The following WDR49 variants were observed in gnomAD, a reference collection of about 807,000 sequenced individuals.
WDR49 encodes the protein cilia- and flagella-associated protein 337.
A neutral mutation model predicts 119.5 loss-of-function variants in WDR49; 107 were observed. The observed-to-expected ratio is 0.90, with a 90% CI of 0.77 to 1.05. The LOEUF is 1.05. Among genes scored for constraint, WDR49 ranks in the 50% least tolerant of loss-of-function variants. The pLI is 0.00. For synonymous variants in WDR49, 425 were observed against 418.8 expected (o/e 1.01, Z -0.18); for missense variants, 1,240 against 1,220.5 (o/e 1.02, Z -0.24).
In WDR49 at chr3:167,621,498, G is replaced by C; in HGVS notation, c.752C>G (p.Ser251Ter). ...AGTTATATCCCCAAAAGAAAGAATT[G>C]ATTCATTGGCATCAAGAGGATCATA... is the stretch of plus-strand genomic sequence containing the variant. ...YWYDPLDANESILSFGDITGK... is the reference protein window; with the variant it reads ...YWYDPLDANE The change falls in exon 4 of 19, where the codon TCA (serine) becomes TGA (stop). Residue 251 changes from serine (S) to a stop codon, truncating the protein, a stop_gained. Coordinates refer to ENST00000682715, the MANE Select transcript of WDR49 (RefSeq NM_001366157.1). LOFTEE classifies it high-confidence loss of function. 6.5e-7 allele frequency: 1 copy of C among 1,533,984 alleles called. No homozygotes were observed. The highest frequency in any genetic ancestry group is 8.7e-7 in the Non-Finnish European group (1 of 1,145,770).
chr3:167,624,849 C>A (rs1015889833), intron 3 of WDR49, among the ~76,000 whole-genome samples: 3 of 152,016 alleles, frequency 2.0e-5, no homozygotes, highest in Non-Finnish European at 4.4e-5. Context: ...GCTCCAGATA[C>A]TTGGCAAAAA....
intron 8 of WDR49, among the ~76,000 whole-genome samples, chr3:167,568,369 G>T (rs543913240): frequency 6.6e-6 from 1 of 152,176 alleles, no homozygotes; most frequent in East Asian, 1.9e-4. Context: ...TATAATAACT[G>T]CTCATTCTCT....
chr3:167,637,500 T>C (rs980491536), intron 2 of WDR49, among the ~76,000 whole-genome samples: 2 of 151,902 alleles, frequency 1.3e-5, no homozygotes, highest in African/African-American at 4.8e-5. Context: ...CCATATTAAT[T>C]TTAGGATTGT....
intron 10 of WDR49, among the ~76,000 whole-genome samples, chr3:167,537,894 C>G (rs905316750): frequency 1.3e-5 from 2 of 152,044 alleles, no homozygotes; most frequent in Admixed American, 6.6e-5. Context: ...ATCTTTTATT[C>G]CCACCACTCT....
At chr3:167,553,193 A>G (rs1712678476) in intron 10 of WDR49, among the ~76,000 whole-genome samples, 1 of 152,112 alleles carries the variant, frequency 6.6e-6, no homozygotes, top group Admixed American at 6.6e-5. Context: ...AAATAATATA[A>G]CAGAATGTAT....
At chr3:167,550,313 T>C (rs181251520) in intron 10 of WDR49, among the ~76,000 whole-genome samples, 1 of 152,194 alleles carries the variant, frequency 6.6e-6, no homozygotes, top group South Asian at 2.1e-4. Context: ...ATATTGATTC[T>C]TCCTATCCAT....
intron 10 of WDR49, among the ~76,000 whole-genome samples, chr3:167,545,444 C>A (rs1024991782): frequency 6.8e-6 from 1 of 146,258 alleles, no homozygotes; most frequent in Non-Finnish European, 1.5e-5. Flanking sequence ...TGGAACCAGC[C>A]CAAATGCCCG....
chr3:167,525,353 C>T (rs765300098), intron 15 of WDR49, among the ~76,000 whole-genome samples: 3 of 152,078 alleles, frequency 2.0e-5, no homozygotes, highest in Non-Finnish European at 2.9e-5. Flanking sequence ...TGTATGCAAA[C>T]AGAGACAATT....
chr3:167,624,947 T>A (rs1186368839), intron 3 of WDR49, among the ~76,000 whole-genome samples: 1 of 152,064 alleles, frequency 6.6e-6, no homozygotes, highest in Non-Finnish European at 1.5e-5. Flanking sequence ...TTTACAAATC[T>A]TGGCAACCCT....
At chr3:167,559,977 A>G (rs1244372787) in intron 9 of WDR49, 87 bp downstream of exon 9, 12 of 1,433,986 alleles carry the variant, frequency 8.4e-6, no homozygotes, top group Admixed American at 4.7e-5. Flanking sequence ...CAAAAAGGCA[A>G]AAAATGAGAA....
chr3:167,509,513 C>T (rs1020835452), intron 16 of WDR49, among the ~76,000 whole-genome samples: 2 of 152,062 alleles, frequency 1.3e-5, no homozygotes, highest in South Asian at 2.1e-4. Context: ...TAGTTTAAAG[C>T]AATAAGATAT....
At chr3:167,523,382 C>T (rs1577215933) in intron 15 of WDR49, among the ~76,000 whole-genome samples, 4 of 145,710 alleles carry the variant, frequency 2.7e-5, no homozygotes, top group Non-Finnish European at 4.5e-5. Flanking sequence ...GACATACATT[C>T]TTTTTTTTTT....
intron 7 of WDR49, among the ~76,000 whole-genome samples, chr3:167,578,397 T>C (rs1271808773): frequency 6.6e-6 from 1 of 152,146 alleles, no homozygotes; most frequent in East Asian, 1.9e-4. Flanking sequence ...CTCTTTCTTG[T>C]TTATGATTTT....
At chr3:167,482,652 C>T (rs1286822088) in intron 18 of WDR49, among the ~76,000 whole-genome samples, 1 of 148,096 alleles carries the variant, frequency 6.8e-6, no homozygotes, top group Non-Finnish European at 1.5e-5. Flanking sequence ...GCACTCCAGC[C>T]TGGGCGACAG....
intron 7 of WDR49, among the ~76,000 whole-genome samples, chr3:167,597,994 C>A (rs903922938): frequency 3.3e-5 from 5 of 152,012 alleles, no homozygotes; most frequent in African/African-American, 1.2e-4. Flanking sequence ...ATGATGGGGG[C>A]ATGATTGTGT....
chr3:167,623,944 T>G (rs1379652761), intron 3 of WDR49, among the ~76,000 whole-genome samples: 1 of 151,884 alleles, frequency 6.6e-6, no homozygotes, highest in Non-Finnish European at 1.5e-5. Context: ...AAGGCGGTGT[T>G]AAGAGAATGT....
intron 8 of WDR49, 79 bp from the exon 9 acceptor site, chr3:167,560,307 C>T (rs1315424063): frequency 1.5e-6 from 2 of 1,369,346 alleles, no homozygotes; most frequent in African/African-American, 2.9e-5. Context: ...CATATCCAGC[C>T]TGTGCATTTC....
chr3:167,539,542 T>C (rs1453642626), intron 10 of WDR49, among the ~76,000 whole-genome samples: 1 of 152,172 alleles, frequency 6.6e-6, no homozygotes, highest in Non-Finnish European at 1.5e-5. Flanking sequence ...ACATTTAATG[T>C]TATACAGTTT....
intron 13 of WDR49, among the ~76,000 whole-genome samples, chr3:167,529,769 C>T (rs1577220381): frequency 6.6e-6 from 1 of 152,066 alleles, no homozygotes; most frequent in East Asian, 1.9e-4. Flanking sequence ...ATCAATAATT[C>T]ATTGTAAACC....
Sources: allele counts gnomAD v4.1 joint callset (sites outside exome capture counted in the v4.1 genomes callset), GRCh38; gene constraint gnomAD v4.1.1; transcripts MANE v1.5; gene names NCBI Gene and HGNC (gene_info 2026-07-23, HGNC 2026-07-21).